RTL1: variants seen among roughly 807,000 people sequenced by gnomAD.
The protein encoded by RTL1 is retrotransposon Gag like 1, also known as retrotransposon-like protein 1.
For synonymous variants in RTL1, 727 were observed against 748.4 expected (o/e 0.97, Z 0.47); for missense variants, 1,681 against 1,767.5 (o/e 0.95, Z 0.88).
chr14:100,900,951 AAC>A (rs1248187184), intron 2 of RTL1, among the ~76,000 whole-genome samples: 1 of 152,148 alleles, frequency 6.6e-6, no homozygotes, highest in Non-Finnish European at 1.5e-5. Flanking sequence ...CCGAGAAACA[AAC>A]AGTTTTTCCC....
intron 3 of RTL1, among the ~76,000 whole-genome samples, chr14:100,889,081 C>T (rs1195060309): frequency 6.6e-6 from 1 of 152,190 alleles, no homozygotes; most frequent in Non-Finnish European, 1.5e-5. Flanking sequence ...CTCATCATCA[C>T]ATTTCTTAAA....
At position 100,880,999 on chromosome 14, in the gene RTL1, C is replaced by G; in HGVS notation, c.3790G>C (p.Val1264Leu). The G allele has an allele frequency of 6.4e-7, 1 of 1,568,224 alleles. No homozygotes were observed. The highest frequency in any genetic ancestry group is 8.6e-7 in the Non-Finnish European group (1 of 1,157,142). Residue 1264 changes from valine (V) to leucine (L), a missense_variant, in exon 4 of 4, where the codon GTG becomes CTG. Coordinates refer to ENST00000649591, the MANE Select transcript of RTL1 (RefSeq NM_001134888.3). ...DTSQDKQDNDVQEAPPSHTAA... is the reference protein window; with the variant it reads ...DTSQDKQDNDLQEAPPSHTAA... ...GTGTGGCTGGGTGGGGCCTCCTGCA[C>G]GTCGTTGTCCTGCTTGTCCTGCGAG... is the stretch of plus-strand genomic sequence containing the variant.
At chr14:100,902,286 T>A (rs2038953142) in intron 2 of RTL1, among the ~76,000 whole-genome samples, 2 of 152,184 alleles carry the variant, frequency 1.3e-5, no homozygotes, top group African/African-American at 4.8e-5. Flanking sequence ...AGTCCTCTCC[T>A]TTCTGTGCTG....
At chr14:100,900,793 G>A (rs1255232445) in intron 2 of RTL1, among the ~76,000 whole-genome samples, 1 of 152,134 alleles carries the variant, frequency 6.6e-6, no homozygotes, top group East Asian at 1.9e-4. Flanking sequence ...CTCTTGTTCT[G>A]CACCCTGCAT....
At chr14:100,897,064 C>A (rs1212199077) in intron 2 of RTL1, among the ~76,000 whole-genome samples, 1 of 152,202 alleles carries the variant, frequency 6.6e-6, no homozygotes, top group Admixed American at 6.5e-5. Context: ...GGTGAAATCA[C>A]AGCCCTGGGC....
chr14:100,885,179 C>G (rs1216846267), intron 3 of RTL1, among the ~76,000 whole-genome samples: 1 of 152,242 alleles, frequency 6.6e-6, no homozygotes, highest in African/African-American at 2.4e-5. Flanking sequence ...GCCACCGTGG[C>G]AGGCGGGTAC....
chr14:100,889,540 A>G (rs1017526133), intron 3 of RTL1: 2 of 152,060 alleles, frequency 1.3e-5, no homozygotes, highest in Non-Finnish European at 2.9e-5. Context: ...ATGCATTTCG[A>G]TTTTATTGTC....
chr14:100,888,105 A>G (rs941866053), intron 3 of RTL1, among the ~76,000 whole-genome samples: 1 of 152,180 alleles, frequency 6.6e-6, no homozygotes, highest in African/African-American at 2.4e-5. Flanking sequence ...TTACTGGCTG[A>G]CATCCGAACG....
At chr14:100,892,904 G>A (rs1037858554) in intron 3 of RTL1, among the ~76,000 whole-genome samples, 6 of 152,244 alleles carry the variant, frequency 3.9e-5, no homozygotes, top group African/African-American at 7.2e-5. Flanking sequence ...ATGTGCTGCC[G>A]TCTTACAGAG....
intron 2 of RTL1, among the ~76,000 whole-genome samples, chr14:100,900,202 T>C (rs1169718704): frequency 6.6e-6 from 1 of 152,216 alleles, no homozygotes; most frequent in African/African-American, 2.4e-5. Flanking sequence ...GTGGTTACAG[T>C]CTCCAGAGGT....
At chr14:100,900,071 G>A (rs1035684272) in intron 2 of RTL1, among the ~76,000 whole-genome samples, 3 of 152,348 alleles carry the variant, frequency 2.0e-5, no homozygotes, top group East Asian at 1.9e-4. Flanking sequence ...CGGGTTTCCC[G>A]AAAAGTTTGG....
Position 100,883,765 on chromosome 14 carries a change from G to A in RTL1, c.1024C>T (p.Pro342Ser). 6.4e-7 allele frequency: 1 copy of A among 1,551,630 alleles called. No individual in the cohort carries two copies. Among genetic ancestry groups the A allele is most frequent in the Non-Finnish European group, 8.7e-7 (1 of 1,146,986 alleles). ...AGACTGTCTAGGGAATCCGGCTGAG[G>A]GACCCGGAATAGATAGTGCCTGATC... is the stretch of plus-strand genomic sequence containing the variant. ...EEIRHYLFRV[P>S]QPDSLDSLIV... Residue 342 changes from proline (P) to serine (S), a missense_variant, in exon 4 of 4, where the codon CCT becomes TCT. By Grantham distance (74) the Pro-to-Ser change is moderately conservative. Transcript: ENST00000649591. This position sits in a 1 kb window ranked among gnomAD's most constrained non-coding sequence, Gnocchi z 5.9.
intron 3 of RTL1, among the ~76,000 whole-genome samples, chr14:100,890,092 A>AAAAAAAAAC (rs2038750541): frequency 6.6e-6 from 1 of 151,130 alleles, no homozygotes; most frequent in Non-Finnish European, 1.5e-5. Context: ...AAAAAAAAAA[A>AAAAAAAAAC]AGAAGCCCAG....
intron 2 of RTL1, among the ~76,000 whole-genome samples, chr14:100,900,920 A>C (rs2038932773): frequency 6.6e-6 from 1 of 152,178 alleles, no homozygotes; most frequent in East Asian, 1.9e-4. Flanking sequence ...CACCAACAAA[A>C]ACCAACAAAA....
intron 2 of RTL1, among the ~76,000 whole-genome samples, chr14:100,894,155 C>G (rs1160670630): frequency 1.3e-5 from 2 of 151,732 alleles, no homozygotes; most frequent in Non-Finnish European, 1.5e-5. Context: ...ACTAAAAATA[C>G]AAAAATTAGC....
chr14:100,881,566 C>A lies in RTL1; in HGVS notation c.3223G>T (p.Val1075Phe). Residue 1075 changes from valine to phenylalanine, a missense_variant, in exon 4 of 4, where the codon GTC (valine) becomes TTC (phenylalanine). Transcript: ENST00000649591. This position sits in a 1 kb window ranked among gnomAD's most constrained non-coding sequence, Gnocchi z 6.6. ...AHFSMAQIRA[V>F]ILHFFRGLLY... The stretch of plus-strand genomic sequence containing the variant: ...AGGCCTCGGAAGAAGTGCAGAATGA[C>A]GGCCCTGATCTGGGCCATGCTGAAG... 1 of 1,551,750 alleles carries A rather than the reference C, an allele frequency of 6.4e-7. No homozygotes were observed. The highest frequency in any genetic ancestry group is 8.7e-7 in the Non-Finnish European group (1 of 1,147,018).
In RTL1 at chr14:100,893,967, C is replaced by G. The variant is rs993807102; in HGVS notation, c.-148-462G>C. Among the ~76,000 whole-genome samples the G allele has an allele frequency of 6.6e-6, 1 of 152,198 alleles. No homozygotes were observed. Among genetic ancestry groups the G allele is most frequent in the Non-Finnish European group, 1.5e-5 (1 of 68,042 alleles). ...TTGCTCTTCAGTTCCTGGAAGCCTC[C>G]TGCCCTTGGTGGACAACCATTTTGC... On this transcript the variant is annotated intron_variant, in intron 2 of 3. Coordinates refer to ENST00000649591, the MANE Select transcript of RTL1 (RefSeq NM_001134888.3). This position sits in a 1 kb window ranked among gnomAD's most constrained non-coding sequence, Gnocchi z 4.2.
rs1595333014 is a variant in RTL1 at position 100,881,304 on chromosome 14, T to C, written c.3485A>G (p.Glu1162Gly). The change falls in exon 4 of 4, where the codon GAG (glutamate) becomes GGG (glycine). Residue 1162 changes from glutamate to glycine, a missense_variant. Glu to Gly is a moderately conservative substitution (Grantham distance 98). Transcript: ENST00000649591. This position sits in a 1 kb window ranked among gnomAD's most constrained non-coding sequence, Gnocchi z 6.6. ...LVGANTIPAQ[E>G]LAELFLGPGR... ...AGGGCCCAGGAACAGCTCAGCCAGC[T>C]CCTGGGCTGGGATGGTGTTTGCACC... The C allele has an allele frequency of 1.9e-6, 3 of 1,550,394 alleles. No homozygotes were observed. The highest frequency in any genetic ancestry group is 2.6e-6 in the Non-Finnish European group (3 of 1,146,932).
At chr14:100,885,941 T>C in intron 3 of RTL1, among the ~76,000 whole-genome samples, 1 of 152,098 alleles carries the variant, frequency 6.6e-6, no homozygotes, top group East Asian at 1.9e-4. Context: ...GTTGGGACAT[T>C]GAGTGTGGGG....
Sources: gnomAD v4.1 joint callset for allele counts (sites outside exome capture counted in the v4.1 genomes callset) on GRCh38, gnomAD v4.1.1 for gene constraint, Gnocchi (gnomAD v3.1) non-coding constraint, MANE v1.5 for transcripts, NCBI Gene and HGNC (gene_info 2026-07-23, HGNC 2026-07-21) for gene names.